Variants in LRRC1 observed in about 807,000 individuals in gnomAD.
LRRC1 encodes the protein leucine-rich repeat-containing protein 1.
A neutral mutation model predicts 69.9 loss-of-function variants in LRRC1; 28 were observed. The observed-to-expected ratio is 0.40, with a 90% CI of 0.30 to 0.55. LRRC1 has a LOEUF of 0.55. Ranked by LOEUF, LRRC1 falls within the 20% of genes least tolerant of loss-of-function variation. LRRC1 has a pLI of 0.47. For synonymous variants in LRRC1, 236 were observed against 240.2 expected, an observed-to-expected ratio of 0.98 and a Z score of 0.16; for missense variants, 498 against 609.0, an observed-to-expected ratio of 0.82 and a Z score of 1.92.
chr6:53,917,472 G>A (rs1030499101), intron 11 of LRRC1, among the ~76,000 whole-genome samples: 1 of 152,280 alleles, frequency 6.6e-6, no homozygotes, highest in Admixed American at 6.5e-5. Context: ...AATTTATTTA[G>A]CTTTTGTCAT....
chr6:53,838,496 G>T (rs963745039), intron 1 of LRRC1, among the ~76,000 whole-genome samples: 1 of 152,158 alleles, frequency 6.6e-6, no homozygotes, highest in Non-Finnish European at 1.5e-5. Context: ...TCTTATTTCT[G>T]AATGGTCCCA....
chr6:53,851,716 C>T (rs1203649518), intron 2 of LRRC1, among the ~76,000 whole-genome samples: 1 of 152,130 alleles, frequency 6.6e-6, no homozygotes, highest in Non-Finnish European at 1.5e-5. Flanking sequence ...GACACACACA[C>T]ATGCGCACAC....
chr6:53,844,935 T>G lies in LRRC1; in HGVS notation c.277+2708T>G, dbSNP rs141098942. Reference sequence around the variant, plus strand: ...AAGAGTGAACCTGGGCTGGGTGCGGTGGCTCACGCCTGTAATCCCGGCACT... The same window carrying G: ...AAGAGTGAACCTGGGCTGGGTGCGGGGGCTCACGCCTGTAATCCCGGCACT... On this transcript the variant is annotated intron_variant, in intron 2 of 13. Transcript: ENST00000370888. Among the ~76,000 whole-genome samples, 737 of 152,296 alleles carry G rather than the reference T, an allele frequency of 4.8e-3. 5 individuals are homozygous for G. The highest frequency in any genetic ancestry group is 0.024 in the Middle Eastern group (7 of 294).
intron 2 of LRRC1, among the ~76,000 whole-genome samples, chr6:53,849,950 CT>C (rs199635817): frequency 6.6e-6 from 1 of 151,680 alleles, no homozygotes; most frequent in Non-Finnish European, 1.5e-5. Context: ...GAGCAAGTCC[CT>C]TTTTAAAAAA....
chr6:53,883,082 C>G (rs1225797873), intron 4 of LRRC1, 106 bp downstream of exon 4: 1 of 672,122 alleles, frequency 1.5e-6, no homozygotes, highest in Non-Finnish European at 2.5e-6. Context: ...CTCAGAAAGC[C>G]ATTTACTCAT....
chr6:53,872,187 C>T (rs1766909115), intron 2 of LRRC1, among the ~76,000 whole-genome samples: 1 of 152,128 alleles, frequency 6.6e-6, no homozygotes, highest in Non-Finnish European at 1.5e-5. Context: ...TTTTCCAGCG[C>T]ACCTAATGTG....
intron 2 of LRRC1, among the ~76,000 whole-genome samples, chr6:53,861,853 A>G (rs1766537235): frequency 6.6e-6 from 1 of 152,156 alleles, no homozygotes; most frequent in Non-Finnish European, 1.5e-5. Context: ...GAGAACACAT[A>G]GTAGGATGTC....
At chr6:53,851,038 A>G (rs1011798048) in intron 2 of LRRC1, among the ~76,000 whole-genome samples, 2 of 152,064 alleles carry the variant, frequency 1.3e-5, no homozygotes, top group Admixed American at 1.3e-4. Context: ...GAGGAGAAGA[A>G]ATATGACCAT....
chr6:53,846,815 GCTAA>G, intron 2 of LRRC1, among the ~76,000 whole-genome samples: 1 of 152,164 alleles, frequency 6.6e-6, no homozygotes, highest in Admixed American at 6.5e-5. Context: ...TGCTTTCTCT[GCTAA>G]CTGATTATTA....
At chr6:53,845,688 T>C (rs1056356295) in intron 2 of LRRC1, among the ~76,000 whole-genome samples, 2 of 152,248 alleles carry the variant, frequency 1.3e-5, no homozygotes, top group Non-Finnish European at 2.9e-5. Context: ...ATTGAGTTAA[T>C]GCTTATCATA....
intron 9 of LRRC1, 56 bp from the exon 10 acceptor site, chr6:53,904,323 T>C (rs1768163928): frequency 5.7e-6 from 6 of 1,044,188 alleles, no homozygotes; most frequent in Admixed American, 1.9e-5. Context: ...TCTTATTTAC[T>C]GTGAGCCATG....
Position 53,891,923 on chromosome 6 carries a change from C to T in LRRC1, c.447-4575C>T, listed in dbSNP as rs567297870. ...AGGAGAATCGCTTGAACCCAGGAGGCGGAGGTTGCAGTGAGCCAAGATCAC... is the reference window on the plus strand; with the variant it reads ...AGGAGAATCGCTTGAACCCAGGAGGTGGAGGTTGCAGTGAGCCAAGATCAC... On this transcript the variant is annotated intron_variant, in intron 4 of 13. Coordinates refer to ENST00000370888, the MANE Select transcript of LRRC1 (RefSeq NM_018214.5). Among the ~76,000 whole-genome samples, 42 of 150,676 alleles carry T rather than the reference C, an allele frequency of 2.8e-4. 1 individual carries two copies. In the South Asian group the frequency reaches 6.1e-3, roughly 22 times the overall value.
intron 1 of LRRC1, among the ~76,000 whole-genome samples, chr6:53,823,669 A>G (rs754687854): frequency 2.2e-4 from 34 of 152,274 alleles, no homozygotes; most frequent in South Asian, 6.2e-4. Context: ...CACCTCAGGT[A>G]GGCCCCAGTA....
chr6:53,895,961 C>G (rs1767855643), intron 4 of LRRC1, among the ~76,000 whole-genome samples: 1 of 152,218 alleles, frequency 6.6e-6, no homozygotes, highest in South Asian at 2.1e-4. Context: ...TTCCTTAGCG[C>G]AGCTGCCACT....
At chr6:53,872,996 A>G (rs888082087) in intron 2 of LRRC1, among the ~76,000 whole-genome samples, 3 of 152,002 alleles carry the variant, frequency 2.0e-5, no homozygotes, top group Non-Finnish European at 1.5e-5. Flanking sequence ...ACCTCAAGTG[A>G]TCTGCCTGCT....
At chr6:53,901,342 C>A (rs753800190) in intron 8 of LRRC1, among the ~76,000 whole-genome samples, 2 of 152,088 alleles carry the variant, frequency 1.3e-5, no homozygotes, top group East Asian at 3.9e-4. Flanking sequence ...GAGTTTAAGA[C>A]CAGCTTGGGC....
intron 12 of LRRC1, among the ~76,000 whole-genome samples, chr6:53,920,235 A>G (rs1335516551): frequency 2.0e-5 from 3 of 152,214 alleles, no homozygotes; most frequent in Non-Finnish European, 4.4e-5. Flanking sequence ...TACTGAGGAA[A>G]GTACTAGTGT....
At chr6:53,849,418 G>A (rs1311331635) in intron 2 of LRRC1, among the ~76,000 whole-genome samples, 1 of 152,164 alleles carries the variant, frequency 6.6e-6, no homozygotes, top group Non-Finnish European at 1.5e-5. Context: ...TAATTAGGCC[G>A]TTTCTGTAGG....
At chr6:53,878,949 T>C in intron 2 of LRRC1, 44 bp from the exon 3 acceptor site, 1 of 1,221,404 alleles carries the variant, frequency 8.2e-7, no homozygotes, top group South Asian at 1.3e-5. Context: ...ATGAAAACTG[T>C]TAATAATGGT....
Sources: allele counts gnomAD v4.1 joint callset (sites outside exome capture counted in the v4.1 genomes callset), GRCh38; gene constraint gnomAD v4.1.1; transcripts MANE v1.5; gene names NCBI Gene and HGNC (gene_info 2026-07-23, HGNC 2026-07-21).